LOC400499: variants seen among roughly 807,000 people sequenced by gnomAD.
At chr16:11,425,291 G>C in the LOC400499 span, 2 of 399,144 alleles carry the variant, frequency 5.0e-6, no homozygotes. Flanking sequence ...CCTTCAGCTG[G>C]AGCTCTCCAG....
the LOC400499 span, among the ~76,000 whole-genome samples, chr16:11,405,102 G>C: frequency 6.6e-6 from 1 of 152,202 alleles, no homozygotes; most frequent in African/African-American, 2.4e-5. Context: ...GCACAGAACA[G>C]CCACTTCTCA....
the LOC400499 span, chr16:11,446,923 G>T: frequency 6.5e-7 from 1 of 1,528,480 alleles, no homozygotes; most frequent in African/African-American, 1.4e-5. Context: ...GGTGTGCAGA[G>T]GGAAAAACAG....
At chr16:11,380,650 T>A in the LOC400499 span, among the ~76,000 whole-genome samples, 2 of 152,198 alleles carry the variant, frequency 1.3e-5, no homozygotes, top group African/African-American at 4.8e-5. Context: ...GGTGACTGCT[T>A]TTCTTAGATA....
the LOC400499 span, chr16:11,390,140 G>C: frequency 2.4e-6 from 3 of 1,232,354 alleles, no homozygotes; most frequent in East Asian, 3.2e-5. Flanking sequence ...GCAGTGGTTT[G>C]CAGAGCCTCT....
chr16:11,487,887 G>A, the LOC400499 span, among the ~76,000 whole-genome samples: 1 of 152,188 alleles, frequency 6.6e-6, no homozygotes, highest in Non-Finnish European at 1.5e-5. Context: ...GCCGAGGTAG[G>A]CAAATCACTT....
chr16:11,527,133 G>A, the LOC400499 span, among the ~76,000 whole-genome samples: 3 of 152,170 alleles, frequency 2.0e-5, no homozygotes, highest in Admixed American at 1.3e-4. Context: ...GCCATCAGCG[G>A]CCAGAGCAGG....
the LOC400499 span, among the ~76,000 whole-genome samples, chr16:11,413,939 G>A: frequency 6.6e-6 from 1 of 152,198 alleles, no homozygotes; most frequent in Non-Finnish European, 1.5e-5. Flanking sequence ...ATCGGAGAGG[G>A]CCTTGGTAAG....
chr16:11,446,851 T>A, the LOC400499 span: 1 of 1,536,060 alleles, frequency 6.5e-7, no homozygotes, highest in Non-Finnish European at 8.7e-7. Context: ...GTGTCGCCTA[T>A]CAGCTGTGAA....
chr16:11,478,246 T>G, the LOC400499 span, among the ~76,000 whole-genome samples: 1 of 146,702 alleles, frequency 6.8e-6, no homozygotes, highest in African/African-American at 2.5e-5. Context: ...CAGGCTGGTC[T>G]CAAACTCCTG....
chr16:11,412,913 G>A, the LOC400499 span: 2 of 399,120 alleles, frequency 5.0e-6, no homozygotes, highest in East Asian at 7.1e-5. Flanking sequence ...CTGCAGTGAG[G>A]AGCTCATCTC....
the LOC400499 span, among the ~76,000 whole-genome samples, chr16:11,420,284 G>A: frequency 6.6e-6 from 1 of 151,948 alleles, no homozygotes; most frequent in Non-Finnish European, 1.5e-5. Flanking sequence ...ATGAGTTCAT[G>A]TCCTTTGTAG....
the LOC400499 span, chr16:11,461,269 C>T: frequency 1.0e-6 from 1 of 972,358 alleles, no homozygotes; most frequent in Non-Finnish European, 1.5e-6. Flanking sequence ...GCACAACAGG[C>T]CACAGACAGG....
At chr16:11,450,009 A>G in the LOC400499 span, among the ~76,000 whole-genome samples, 1 of 151,984 alleles carries the variant, frequency 6.6e-6, no homozygotes, top group African/African-American at 2.4e-5. Flanking sequence ...AGGCCTCCTC[A>G]TGGTCCCTAA....
At chr16:11,448,564 AAAC>A in the LOC400499 span, among the ~76,000 whole-genome samples, 1,340 of 8,696 alleles carry the variant, frequency 0.15, 23 homozygotes, top group African/African-American at 0.25. Context: ...ACAAACAAAC[AAAC>A]GTCAGTGATG....
At chr16:11,502,917 C>CTT in the LOC400499 span, among the ~76,000 whole-genome samples, 20 of 98,018 alleles carry the variant, frequency 2.0e-4, 1 homozygote, top group East Asian at 1.9e-3. Context: ...CCTGGACCAC[C>CTT]TTTTTTTTTT....
At chr16:11,514,592 G>A in the LOC400499 span, 1 of 399,696 alleles carries the variant, frequency 2.5e-6, no homozygotes, top group East Asian at 3.6e-5. Context: ...GCCATCCACA[G>A]GACCCAGCTG....
the LOC400499 span, chr16:11,515,905 A>C: frequency 2.1e-5 from 3 of 141,320 alleles, no homozygotes; most frequent in African/African-American, 7.9e-5. Flanking sequence ...AGCCCAGCCC[A>C]GCCCAGCCTA....
chr16:11,463,059 C>G, the LOC400499 span, among the ~76,000 whole-genome samples: 1 of 152,168 alleles, frequency 6.6e-6, no homozygotes, highest in East Asian at 1.9e-4. Context: ...AACCCAAAGT[C>G]CTTGTGAAGG....
At chr16:11,512,464 A>G in the LOC400499 span, among the ~76,000 whole-genome samples, 1 of 151,742 alleles carries the variant, frequency 6.6e-6, no homozygotes, top group Admixed American at 6.6e-5. Flanking sequence ...TCAGCCAGGC[A>G]TGGTGGTGCA....
Sources: gnomAD v4.1 joint callset for allele counts (sites outside exome capture counted in the v4.1 genomes callset) on GRCh38, gnomAD v4.1.1 for gene constraint, MANE v1.5 for transcripts.